PER2: variants seen among roughly 807,000 people sequenced by gnomAD.
PER2 encodes the protein period circadian protein homolog 2.
In PER2, 66 loss-of-function variants were observed where a neutral mutation model predicts 121.0. The ratio of observed to expected loss-of-function variants is 0.55; its 90% CI spans 0.45 to 0.67. The LOEUF (loss-of-function observed/expected upper bound fraction) is 0.67. Among genes scored for constraint, PER2 ranks in the 30% least tolerant of loss-of-function variants. The pLI is 0.00. For missense variants in PER2, 1,521 were observed against 1,635.0 expected, an observed-to-expected ratio of 0.93 and a Z score of 1.20; for synonymous variants, 684 against 659.9, an observed-to-expected ratio of 1.04 and a Z score of -0.56.
chr2:238,272,857 C>T (rs890873249), intron 5 of PER2, among the ~76,000 whole-genome samples: 7 of 152,180 alleles, frequency 4.6e-5, no homozygotes, highest in African/African-American at 9.7e-5. Flanking sequence ...TGGTCAGGGA[C>T]GAGGAAGACA....
At chr2:238,275,280 G>A (rs1217638082) in intron 4 of PER2, among the ~76,000 whole-genome samples, 4 of 152,142 alleles carry the variant, frequency 2.6e-5, no homozygotes, top group African/African-American at 4.8e-5. Context: ...TGCTCTGCAG[G>A]GCACCTTCCT....
chr2:238,256,820 T>C (rs939916052), intron 17 of PER2, 102 bp downstream of exon 17: 2 of 1,199,780 alleles, frequency 1.7e-6, no homozygotes, highest in East Asian at 2.3e-5. Flanking sequence ...TATCGGGCTA[T>C]GGTGGAGTTC....
chr2:238,262,489 C>A, intron 10 of PER2, 145 bp from the exon 11 acceptor site: 1 of 745,240 alleles, frequency 1.3e-6, no homozygotes, highest in Admixed American at 2.4e-5. Context: ...CTGCTTTCAA[C>A]CTCCTGTTTT....
intron 4 of PER2, among the ~76,000 whole-genome samples, chr2:238,275,044 G>T (rs143561774): frequency 1.3e-5 from 2 of 152,210 alleles, no homozygotes; most frequent in African/African-American, 4.8e-5. Context: ...TTATACCCAT[G>T]ATTACTAGTG....
At chr2:238,256,024 G>T in intron 17 of PER2, 113 bp from the exon 18 acceptor site, 2 of 1,312,284 alleles carry the variant, frequency 1.5e-6, no homozygotes, top group Non-Finnish European at 2.2e-6. Flanking sequence ...ATTTCATGAT[G>T]CCTGTGGCAT....
chr2:238,269,190 T>C (rs188522303), intron 6 of PER2, among the ~76,000 whole-genome samples: 26 of 152,340 alleles, frequency 1.7e-4, no homozygotes, highest in African/African-American at 5.8e-4. Context: ...GCATTACAAA[T>C]TATGCAGTGC....
Position 238,268,980 on chromosome 2 carries a change from A to G in PER2, c.773-6T>C. ...GCATTCTTGAGTAAAAGAATCTAAA[A>G]GAGAGAGCCCAAAGTCATTCATCCA... On this transcript the variant is annotated splice_region_variant and splice_polypyrimidine_tract_variant and intron_variant, in intron 6 of 22. Transcript: ENST00000254657. This position sits in a 1 kb window ranked among gnomAD's most constrained non-coding sequence, Gnocchi z 4.0. 6.2e-7 allele frequency: 1 copy of G among 1,607,954 alleles called. No individual in the cohort carries two copies. The highest frequency in any genetic ancestry group is 8.5e-7 in the Non-Finnish European group (1 of 1,174,290).
chr2:238,299,665 C>T, the PER2 span: 9 of 152,258 alleles, frequency 5.9e-5, no homozygotes, highest in African/African-American at 1.7e-4. Context: ...AGTGAATGGT[C>T]CTGAGACCAT....
chr2:238,262,368 C>A, intron 10 of PER2, 24 bp from the exon 11 acceptor site: 1 of 1,613,438 alleles, frequency 6.2e-7, no homozygotes, highest in Non-Finnish European at 8.5e-7. Context: ...AGCCAGCATT[C>A]AGGGGAAAAG....
the PER2 span, among the ~76,000 whole-genome samples, chr2:238,296,011 A>AGAG: frequency 1.3e-5 from 2 of 151,818 alleles, no homozygotes; most frequent in Admixed American, 1.3e-4. Context: ...CTCCTGCTGC[A>AGAG]GAGTCAGTCG....
upstream of PER2, among the ~76,000 whole-genome samples, chr2:238,290,338 G>A (rs865973026): frequency 4.7e-5 from 7 of 149,458 alleles, no homozygotes; most frequent in Middle Eastern, 6.8e-3. Flanking sequence ...ACCCAGGCCC[G>A]GCTGCTGCGC....
At chr2:238,251,292 G>T (rs1186267460) in intron 20 of PER2, among the ~76,000 whole-genome samples, 1 of 152,216 alleles carries the variant, frequency 6.6e-6, no homozygotes, top group Non-Finnish European at 1.5e-5. Context: ...CACACAAGTG[G>T]AACTAAAGCA....
chr2:238,246,420 G>A lies in PER2; in HGVS notation c.3723C>T (p.Asp1241=), dbSNP rs765849423. 8.1e-6 allele frequency: 13 copies of A among 1,612,588 alleles called. No homozygotes were observed. The highest frequency in any genetic ancestry group is 6.7e-5 in the East Asian group (3 of 44,862). The change falls in exon 23 of 23, where the codon GAC becomes GAT. Residue 1241 remains aspartate (D), a synonymous_variant. Transcript: ENST00000254657. The part of the protein sequence containing the change: ...GLSEVSDTKE[D]ENGSPLNHRI... ...TGTGATTCAAGGGGGATCCATTTTC[G>A]TCTTCTTTGGTGTCCGACACTTCGC...
chr2:238,281,433 C>A (rs1021214777), intron 1 of PER2, among the ~76,000 whole-genome samples: 1 of 152,154 alleles, frequency 6.6e-6, no homozygotes, highest in South Asian at 2.1e-4. Context: ...ACCCAAAATG[C>A]CAGCATCATT....
chr2:238,266,048 C>T (rs374169501), intron 8 of PER2, among the ~76,000 whole-genome samples: 16 of 152,056 alleles, frequency 1.1e-4, no homozygotes, highest in Non-Finnish European at 2.2e-4. Flanking sequence ...GGACTACAGG[C>T]GTGTGCCACC....
chr2:238,290,828 TGTG>T (rs1317605920), upstream of PER2, among the ~76,000 whole-genome samples: 1 of 152,066 alleles, frequency 6.6e-6, no homozygotes, highest in African/African-American at 2.4e-5. Flanking sequence ...TTGTCTAAGT[TGTG>T]GTGTGTAGGT....
At chr2:238,295,367 C>T in the PER2 span, 2 of 151,996 alleles carry the variant, frequency 1.3e-5, no homozygotes, top group Non-Finnish European at 2.9e-5. Flanking sequence ...TCTTCTACTT[C>T]TTCTCTTTCT....
chr2:238,279,766 G>A (rs1369529433), intron 1 of PER2, among the ~76,000 whole-genome samples: 1 of 152,192 alleles, frequency 6.6e-6, no homozygotes, highest in East Asian at 1.9e-4. Context: ...TGGTCGGGGG[G>A]AGGGATCATT....
Position 238,253,666 on chromosome 2 carries a change from G to T in PER2, c.2357C>A (p.Ser786Ter). The change falls in exon 19 of 23, where the codon TCA (serine) becomes TAA (stop). Residue 786 changes from serine (S) to a stop codon, truncating the protein, a stop_gained. Coordinates refer to ENST00000254657, the MANE Select transcript of PER2 (RefSeq NM_022817.3). LOFTEE classifies it high-confidence loss of function. This position sits in a 1 kb window ranked among gnomAD's most constrained non-coding sequence, Gnocchi z 5.6. Reference sequence around the variant, plus strand: ...GTTCTTTCCTGTTTTTTTCCAAGGTGAATCTATTCCGGAAGTATTTCTTAG... The same window carrying T: ...GTTCTTTCCTGTTTTTTTCCAAGGTTAATCTATTCCGGAAGTATTTCTTAG... ...PGLRNTSGID[S>*]PWKKTGKNRK... The T allele has an allele frequency of 6.2e-7, 1 of 1,608,752 alleles. No individual in the cohort carries two copies.
Sources: gnomAD v4.1 joint callset for allele counts (sites outside exome capture counted in the v4.1 genomes callset) on GRCh38, gnomAD v4.1.1 for gene constraint, Gnocchi (gnomAD v3.1) non-coding constraint, MANE v1.5 for transcripts, NCBI Gene and HGNC (gene_info 2026-07-23, HGNC 2026-07-21) for gene names.